MSLN: variants seen among roughly 807,000 people sequenced by gnomAD.
MSLN encodes CAK1 antigen.
A neutral mutation model predicts 72.6 loss-of-function variants in MSLN; 82 were observed. The observed-to-expected ratio is 1.13, with a 90% CI of 0.94 to 1.36. The LOEUF (loss-of-function observed/expected upper bound fraction) is 1.36. MSLN is among the 40% of genes most tolerant of loss of function. MSLN has a pLI of 0.00. For synonymous variants in MSLN, 456 were observed against 387.3 expected (o/e 1.18, Z -2.08); for missense variants, 1,005 against 847.9 (o/e 1.19, Z -2.30).
At position 764,070 on chromosome 16, in the gene MSLN, G is replaced by T; in HGVS notation, c.227G>T (p.Gly76Val). 4 of 1,605,932 alleles carry T rather than the reference G, an allele frequency of 2.5e-6. No homozygotes were observed. The highest frequency in any genetic ancestry group is 3.4e-6 in the Non-Finnish European group (4 of 1,179,800). The change falls in exon 6 of 18, where the codon GGC becomes GTC. Residue 76 changes from glycine (G) to valine (V), a missense_variant. Transcript: ENST00000545450. ...LLGFPCAEVS[G>V]LSTERVRELA... ...GGCTTCCCGTGTGCGGAGGTGTCCG[G>T]CCTGAGCACGGAGCGTGTCCGGGAG...
At position 766,368 on chromosome 16, in the gene MSLN, C is replaced by T. The variant is rs749372186; in HGVS notation, c.1108C>T (p.Gln370Ter). Residue 370 changes from glutamine to a stop codon, truncating the protein, a stop_gained, in exon 13 of 18, where the codon CAG becomes TAG. Transcript: ENST00000545450. LOFTEE classifies it high-confidence loss of function. ...YPQGYPESVI[Q>*]HLGYLFLKMS... is the part of the protein sequence containing the mutation. ...ACAAGGTTACCCCGAGTCTGTGATC[C>T]AGCACCTGGGCTACCTCTTCCTCAA... 4 of 1,612,714 alleles carry T rather than the reference C, an allele frequency of 2.5e-6. No homozygotes were observed. The highest frequency in any genetic ancestry group is 1.7e-6 in the Non-Finnish European group (2 of 1,179,924).
At chr16:765,956 G>A (rs2041601944) in intron 11 of MSLN, 103 bp from the exon 12 acceptor site, 2 of 1,377,026 alleles carry the variant, frequency 1.5e-6, no homozygotes, top group Admixed American at 4.1e-5. Context: ...CTGAGGCACA[G>A]GGAGGGTCAC....
intron 16 of MSLN, 61 bp downstream of exon 16, chr16:767,531 A>T (rs1277536144): frequency 2.2e-6 from 1 of 452,770 alleles, no homozygotes; most frequent in East Asian, 8.6e-5. Flanking sequence ...GGCGAGTGGG[A>T]GGAGGGGCGC....
rs1209158919 is a variant in MSLN, at chr16:765,618, G to A, written c.795+1G>A. On this transcript the variant is annotated splice_donor_variant, in intron 10 of 17. Coordinates refer to ENST00000545450, the MANE Select transcript of MSLN (RefSeq NM_005823.6). LOFTEE classifies it high-confidence loss of function. ...GCCCATCATCCGCAGCATCCCGCAG[G>A]TGAGACCCCAATCCCCAGCCCGTGG... 1 of 1,602,306 alleles carries A rather than the reference G, an allele frequency of 6.2e-7. No homozygotes were observed. Among genetic ancestry groups the A allele is most frequent in the Admixed American group, 1.7e-5 (1 of 59,888 alleles).
At position 765,290 on chromosome 16, in the gene MSLN, G is replaced by A; in HGVS notation, c.691G>A (p.Gly231Arg). 1 of 1,578,532 alleles carries A rather than the reference G, an allele frequency of 6.3e-7. No individual in the cohort carries two copies. Among genetic ancestry groups the A allele is most frequent in the Non-Finnish European group, 8.6e-7 (1 of 1,168,870 alleles). Reference sequence around the variant, plus strand: ...AGCCAGGGCGGCTCTGCAGGGCGGGGGACCCCCCTACGGGTAAGTGAAGGT... The same window carrying A: ...AGCCAGGGCGGCTCTGCAGGGCGGGAGACCCCCCTACGGGTAAGTGAAGGT... Reference protein sequence around the residue: ...EAARAALQGGGPPYGPPSTWS... With the variant: ...EAARAALQGGRPPYGPPSTWS... Residue 231 changes from glycine to arginine, a missense_variant, in exon 9 of 18, where the codon GGA (glycine) becomes AGA (arginine). Physicochemically the swap from Gly to Arg is moderately radical, Grantham distance 125. Coordinates refer to ENST00000545450, the MANE Select transcript of MSLN (RefSeq NM_005823.6).
Position 768,384 on chromosome 16 carries a change from G to T in MSLN, c.1602G>T (p.Leu534Phe), listed in dbSNP as rs975022102. ...CTGCCCGGGGTCTCTGGCAGCCGTT[G>T]ACTGTGGCTGAGGTGCAGAAACTTC... ...MKLRTDAVLP[L>F]TVAEVQKLLG... Residue 534 changes from leucine (L) to phenylalanine (F), a missense_variant, in exon 17 of 18, where the codon TTG (leucine) becomes TTT (phenylalanine). Coordinates refer to ENST00000545450, the MANE Select transcript of MSLN (RefSeq NM_005823.6). 27 of 1,506,388 alleles carry T rather than the reference G, an allele frequency of 1.8e-5. No individual in the cohort carries two copies. Among genetic ancestry groups the T allele is most frequent in the Non-Finnish European group, 2.4e-5 (27 of 1,126,692 alleles). 93.3% of individuals were successfully genotyped at this position (1,506,388 alleles called of 1,614,324 possible). A position where few individuals can be genotyped will look rare whatever the true frequency, so the allele number is the denominator to read the frequency against.
Position 766,161 on chromosome 16 carries a change from C to T in MSLN, c.998C>T (p.Ala333Val), listed in dbSNP as rs1340052424. The change falls in exon 12 of 18, where the codon GCC becomes GTC. Residue 333 changes from alanine to valine, a missense_variant. Coordinates refer to ENST00000545450, the MANE Select transcript of MSLN (RefSeq NM_005823.6). ...GCCTGCGTGGATGCGGCCCTGCTGG[C>T]CACCCAGATGGACCGCGTGAACGCC... is the stretch of plus-strand genomic sequence containing the variant. ...LEACVDAALL[A>V]TQMDRVNAIP... 3 of 1,612,738 alleles carry T rather than the reference C, an allele frequency of 1.9e-6. No homozygotes were observed. Among genetic ancestry groups the T allele is most frequent in the East Asian group, 2.2e-5 (1 of 44,884 alleles).
At chr16:760,921 C>T (rs118138240) in intron 1 of MSLN, 100 bp downstream of exon 1, 4,527 of 152,414 alleles carry the variant, frequency 0.03, 91 homozygotes, top group South Asian at 0.061. Flanking sequence ...GCTGCCCGGG[C>T]GTTAGGGGTA....
At chr16:768,072 G>T (rs1367374494) in intron 16 of MSLN, among the ~76,000 whole-genome samples, 2 of 117,376 alleles carry the variant, frequency 1.7e-5, no homozygotes, top group East Asian at 2.7e-4. Context: ...GCACATGGAG[G>T]GGGGGGCAAG....
chr16:767,345 C>A, intron 15 of MSLN, 31 bp from the exon 16 acceptor site: 1 of 1,589,948 alleles, frequency 6.3e-7, no homozygotes, highest in Non-Finnish European at 8.6e-7. Flanking sequence ...TGAGGTGAGG[C>A]CTCAGCTCGG....
At chr16:763,299 A>G in intron 4 of MSLN, 23 bp downstream of exon 4, 1 of 1,533,564 alleles carries the variant, frequency 6.5e-7, no homozygotes, top group Non-Finnish European at 8.8e-7. Context: ...CTGGGGAAAC[A>G]GGGGAGGGTC....
chr16:766,550 G>A lies in MSLN; in HGVS notation c.1230+60G>A, dbSNP rs147129729. ...ATTGGGAAGGGCTGAGGGGCAGAGT[G>A]GGGGACAAAGCCTGAGGTTGGGCGG... On this transcript the variant is annotated intron_variant, in intron 13 of 17. Transcript: ENST00000545450. The A allele has an allele frequency of 6.3e-3, 10,164 of 1,609,718 alleles. 44 individuals are homozygous for A. Among genetic ancestry groups the A allele is most frequent in the Middle Eastern group, 7.6e-3 (46 of 6,052 alleles).
chr16:768,432 GA>G lies in MSLN; in HGVS notation c.1652del (p.Lys551ArgfsTer39). On this transcript the variant is annotated frameshift_variant, in exon 17 of 18. Transcript: ENST00000545450. LOFTEE classifies it high-confidence loss of function. Reference sequence around the variant, plus strand: ...TTCTGGGACCCCACGTGGAGGGCCTGAAGGCGGAGGAGCGGCACCGCCCGGT... The same window carrying G: ...TTCTGGGACCCCACGTGGAGGGCCTGAGGCGGAGGAGCGGCACCGCCCGGT... ...KLLGPHVEGLKAEERHRPVRD... is the reference protein window; with the variant it reads ...KLLGPHVEGLXAEERHRPVRD... The G allele has an allele frequency of 1.3e-6, 2 of 1,521,668 alleles. No homozygotes were observed. The highest frequency in any genetic ancestry group is 1.8e-6 in the Non-Finnish European group (2 of 1,132,460). The allele number at this position is 1,521,668 out of a possible 1,614,324, so 94.3% of individuals were successfully genotyped here.
At position 767,367 on chromosome 16, in the gene MSLN, G is replaced by A. The variant is rs748439931; in HGVS notation, c.1502-9G>A. ...AGGCCTCAGCTCGGGCCCCTCTCCC[G>A]GCGGGCAGGTGGGGCCCCCACGGAG... On this transcript the variant is annotated splice_polypyrimidine_tract_variant and intron_variant, in intron 15 of 17. Transcript: ENST00000545450. 3.9e-5 allele frequency: 63 copies of A among 1,610,560 alleles called. No homozygotes were observed. The highest frequency in any genetic ancestry group is 8.1e-5 in the African/African-American group (6 of 74,520).
chr16:765,973 C>A, intron 11 of MSLN, 86 bp from the exon 12 acceptor site: 2 of 1,433,112 alleles, frequency 1.4e-6, no homozygotes, highest in Non-Finnish European at 1.9e-6. Flanking sequence ...TCACAAATGG[C>A]CCGAGGTCTC....
At chr16:766,307 T>C (rs373806165) in intron 12 of MSLN, 28 bp from the exon 13 acceptor site, 2 of 1,611,866 alleles carry the variant, frequency 1.2e-6, no homozygotes, top group East Asian at 2.2e-5. Flanking sequence ...GGGAGTGACA[T>C]GGGCCCTCCT....
Position 765,008 on chromosome 16 carries a change from G to C in MSLN, c.482G>C (p.Arg161Pro). Residue 161 changes from arginine to proline, a missense_variant, in exon 8 of 18, where the codon CGG (arginine) becomes CCG (proline). Arg to Pro is a moderately radical substitution (Grantham distance 103). Coordinates refer to ENST00000545450, the MANE Select transcript of MSLN (RefSeq NM_005823.6). ...CCGAGGGGGGCTCCCGAGCGACAGC[G>C]GCTGCTGCCTGCGGCTCTGGCCTGC... ...LLPRGAPERQRLLPAALACWG... is the reference protein window; with the variant it reads ...LLPRGAPERQPLLPAALACWG... 6.2e-7 allele frequency: 1 copy of C among 1,611,696 alleles called. No individual in the cohort carries two copies. The highest frequency in any genetic ancestry group is 8.5e-7 in the Non-Finnish European group (1 of 1,179,530).
In MSLN at chr16:764,106, C is replaced by T. The variant is rs1444181066; in HGVS notation, c.263C>T (p.Ala88Val). 1.2e-6 allele frequency: 2 copies of T among 1,606,300 alleles called. No homozygotes were observed. The highest frequency in any genetic ancestry group is 2.2e-5 in the East Asian group (1 of 44,870). The change falls in exon 6 of 18, where the codon GCC becomes GTC. Residue 88 changes from alanine to valine, a missense_variant. Ala to Val is a moderately conservative substitution (Grantham distance 64). Coordinates refer to ENST00000545450, the MANE Select transcript of MSLN (RefSeq NM_005823.6). Reference protein sequence around the residue: ...STERVRELAVALAQKNVKLST... With the variant: ...STERVRELAVVLAQKNVKLST... ...GAGCGTGTCCGGGAGCTGGCTGTGG[C>T]CTTGGCACAGAAGAATGTCAAGCTC...
intron 4 of MSLN, 117 bp downstream of exon 4, chr16:763,393 C>T (rs2041561237): frequency 2.0e-6 from 2 of 978,360 alleles, no homozygotes; most frequent in East Asian, 5.4e-5. Flanking sequence ...TCCTTGCTTG[C>T]AAAGGGGCAC....
Sources: gnomAD v4.1 joint callset for allele counts (sites outside exome capture counted in the v4.1 genomes callset) on GRCh38, gnomAD v4.1.1 for gene constraint, MANE v1.5 for transcripts, NCBI Gene and HGNC (gene_info 2026-07-23, HGNC 2026-07-21) for gene names.